Variants in RAB6B observed in about 807,000 individuals in gnomAD.
RAB6B encodes the protein RAB6B, member RAS oncogene family, also known as ras-related protein Rab-6B.
RAB6B carries 7 observed loss-of-function variants against 31.2 expected under a neutral mutation model. That is an observed-to-expected ratio of 0.22 (90% CI 0.13 to 0.42). The LOEUF (loss-of-function observed/expected upper bound fraction) is 0.42, where lower values mean the gene tolerates loss of function less well. Among genes scored for constraint, RAB6B ranks in the 10% least tolerant of loss-of-function variants. The pLI, the probability that RAB6B is intolerant of heterozygous loss-of-function variation, is 1.00. For synonymous variants in RAB6B, 105 were observed against 104.9 expected (o/e 1.00, Z -0.01); for missense variants, 149 against 280.6 (o/e 0.53, Z 3.35).
chr3:133,879,187 C>T (rs1423189396), intron 1 of RAB6B, among the ~76,000 whole-genome samples: 1 of 152,178 alleles, frequency 6.6e-6, no homozygotes, highest in African/African-American at 2.4e-5. Flanking sequence ...GGGTGAAAGG[C>T]ATATGTAAAG....
At chr3:133,855,110 T>C (rs192471167) in intron 2 of RAB6B, among the ~76,000 whole-genome samples, 1 of 152,374 alleles carries the variant, frequency 6.6e-6, no homozygotes, top group East Asian at 1.9e-4. Flanking sequence ...AAGTTGCTGT[T>C]TGTGCTCTGC....
chr3:133,872,904 G>A (rs1427342863), intron 1 of RAB6B, among the ~76,000 whole-genome samples: 3 of 152,236 alleles, frequency 2.0e-5, no homozygotes, highest in Non-Finnish European at 4.4e-5. Context: ...GGAGGGTAGA[G>A]GGGAGGGAGG....
At chr3:133,858,534 T>C (rs1451893173) in intron 2 of RAB6B, among the ~76,000 whole-genome samples, 2 of 152,208 alleles carry the variant, frequency 1.3e-5, no homozygotes, top group Non-Finnish European at 2.9e-5. Context: ...TGTCCCTTCC[T>C]GTGTCCTCAC....
chr3:133,869,845 T>C (rs2108006750), intron 1 of RAB6B, among the ~76,000 whole-genome samples: 1 of 152,244 alleles, frequency 6.6e-6, no homozygotes, highest in East Asian at 1.9e-4. Context: ...AGCCTTCAGG[T>C]GACTCCAGCC....
At chr3:133,892,660 G>A (rs371933471) in intron 1 of RAB6B, among the ~76,000 whole-genome samples, 9 of 152,162 alleles carry the variant, frequency 5.9e-5, no homozygotes, top group Middle Eastern at 3.2e-3. Flanking sequence ...CAGGGCACTC[G>A]GCTCATATCG....
At chr3:133,895,164 C>G (rs909534681) in intron 1 of RAB6B, among the ~76,000 whole-genome samples, 44 of 152,260 alleles carry the variant, frequency 2.9e-4, no homozygotes, top group African/African-American at 9.9e-4. Flanking sequence ...ACACCCCGGG[C>G]CCCCCACCCA....
chr3:133,889,189 T>A (rs1936594906), intron 1 of RAB6B, among the ~76,000 whole-genome samples: 2 of 151,806 alleles, frequency 1.3e-5, no homozygotes, highest in African/African-American at 4.8e-5. Flanking sequence ...CAATGGCCGA[T>A]GCATTCGGCA....
intron 1 of RAB6B, among the ~76,000 whole-genome samples, chr3:133,893,087 T>C (rs1936658385): frequency 6.6e-6 from 1 of 152,218 alleles, no homozygotes; most frequent in African/African-American, 2.4e-5. Context: ...AGTGACTCTC[T>C]AATGACCATG....
intron 7 of RAB6B, among the ~76,000 whole-genome samples, chr3:133,829,214 T>C (rs1162780812): frequency 1.3e-5 from 2 of 152,112 alleles, no homozygotes; most frequent in Non-Finnish European, 2.9e-5. Context: ...CCACTCAAAG[T>C]GCAATGGAGA....
chr3:133,845,838 G>A (rs1576396822), intron 2 of RAB6B, among the ~76,000 whole-genome samples: 2 of 151,324 alleles, frequency 1.3e-5, no homozygotes, highest in Admixed American at 6.6e-5. Context: ...TGAATTAGTA[G>A]ACAAAGACTT....
intron 1 of RAB6B, among the ~76,000 whole-genome samples, chr3:133,872,348 A>C (rs968583949): frequency 9.2e-5 from 14 of 152,248 alleles, no homozygotes; most frequent in African/African-American, 3.4e-4. Context: ...GCTGGGAAGG[A>C]GGCCAGGCTA....
intron 1 of RAB6B, among the ~76,000 whole-genome samples, chr3:133,877,440 G>A (rs1455707646): frequency 6.6e-6 from 1 of 152,154 alleles, no homozygotes; most frequent in Non-Finnish European, 1.5e-5. Context: ...CATCATTTAC[G>A]GGATGCTGGG....
intron 7 of RAB6B, among the ~76,000 whole-genome samples, chr3:133,833,166 C>T (rs1935679854): frequency 6.6e-6 from 1 of 152,174 alleles, no homozygotes; most frequent in Admixed American, 6.5e-5. Context: ...TCTGTATGTT[C>T]CTGGAACCTC....
intron 4 of RAB6B, among the ~76,000 whole-genome samples, chr3:133,840,595 G>A (rs1935811552): frequency 6.6e-6 from 1 of 152,186 alleles, no homozygotes; most frequent in South Asian, 2.1e-4. Context: ...GATTTTTAAG[G>A]CTGTGGACAG....
chr3:133,831,592 G>A (rs1275993916), intron 7 of RAB6B, among the ~76,000 whole-genome samples: 2 of 152,234 alleles, frequency 1.3e-5, no homozygotes, highest in African/African-American at 4.8e-5. Context: ...GCCACATGCT[G>A]CTGAAATGCA....
intron 1 of RAB6B, among the ~76,000 whole-genome samples, chr3:133,889,067 T>C (rs1011628124): frequency 1.1e-4 from 16 of 152,186 alleles, no homozygotes; most frequent in African/African-American, 3.9e-4. Flanking sequence ...TAGTCCACCC[T>C]GAATGTTTAT....
At chr3:133,842,066 A>T (rs541142384) in intron 2 of RAB6B, among the ~76,000 whole-genome samples, 37 of 152,314 alleles carry the variant, frequency 2.4e-4, no homozygotes, top group African/African-American at 7.5e-4. Flanking sequence ...CCTCTGCCCT[A>T]AAGCATGGGC....
At chr3:133,874,735 T>C (rs1379361374) in intron 1 of RAB6B, among the ~76,000 whole-genome samples, 57 of 152,346 alleles carry the variant, frequency 3.7e-4, no homozygotes, top group Non-Finnish European at 2.9e-5. Flanking sequence ...TAGCTTAAAA[T>C]ACATACACTG....
At chr3:133,845,968 A>C (rs925464834) in intron 2 of RAB6B, among the ~76,000 whole-genome samples, 1 of 152,250 alleles carries the variant, frequency 6.6e-6, no homozygotes, top group Admixed American at 6.5e-5. Context: ...AAAAACTATA[A>C]TATCTGAAAT....
Sources: gnomAD v4.1 joint callset for allele counts (sites outside exome capture counted in the v4.1 genomes callset) on GRCh38, gnomAD v4.1.1 for gene constraint, MANE v1.5 for transcripts, NCBI Gene and HGNC (gene_info 2026-07-23, HGNC 2026-07-21) for gene names.